PPP2R2B: variants seen among roughly 807,000 people sequenced by gnomAD.
PPP2R2B encodes the protein serine/threonine-protein phosphatase 2A 55 kDa regulatory subunit B beta isoform.
A neutral mutation model predicts 46.0 loss-of-function variants in PPP2R2B; 5 were observed. The ratio of observed to expected loss-of-function variants is 0.11; its 90% confidence interval spans 0.06 to 0.23. The LOEUF (loss-of-function observed/expected upper bound fraction) is 0.23. Ranked by LOEUF, PPP2R2B falls within the 10% of genes least tolerant of loss-of-function variation. The pLI, the probability that PPP2R2B is intolerant of heterozygous loss-of-function variation, is 1.00. For missense variants in PPP2R2B, 367 were observed against 575.0 expected (o/e 0.64, Z 3.70); for synonymous variants, 215 against 206.7 (o/e 1.04, Z -0.34).
intron 1 of PPP2R2B, among the ~76,000 whole-genome samples, chr5:146,991,906 T>C (rs1254353003): frequency 1.3e-5 from 2 of 152,120 alleles, no homozygotes; most frequent in African/African-American, 4.8e-5. Context: ...TCCATATTCA[T>C]GGATTGGAAA....
At chr5:146,857,374 A>G (rs950073434) in intron 2 of PPP2R2B, among the ~76,000 whole-genome samples, 9 of 152,226 alleles carry the variant, frequency 5.9e-5, no homozygotes, top group Admixed American at 1.3e-4. Context: ...TCAACATACC[A>G]CTAATATAGA....
At chr5:147,039,287 T>C (rs966967504) in intron 1 of PPP2R2B, among the ~76,000 whole-genome samples, 1 of 152,192 alleles carries the variant, frequency 6.6e-6, no homozygotes, top group African/African-American at 2.4e-5. Flanking sequence ...GTTACTGATG[T>C]TCCCCATGGC....
chr5:146,687,758 G>T (rs1441801075), intron 5 of PPP2R2B, among the ~76,000 whole-genome samples: 1 of 152,174 alleles, frequency 6.6e-6, no homozygotes, highest in African/African-American at 2.4e-5. Flanking sequence ...GAAAGATATA[G>T]TCACATTCTT....
At chr5:146,685,649 C>T (rs572657056) in intron 5 of PPP2R2B, among the ~76,000 whole-genome samples, 20 of 152,308 alleles carry the variant, frequency 1.3e-4, no homozygotes, top group East Asian at 1.2e-3. Context: ...GTGTCTTAGA[C>T]GGTACCTATG....
At chr5:147,067,304 G>A (rs1757442769) in intron 2 of PPP2R2B, among the ~76,000 whole-genome samples, 1 of 152,006 alleles carries the variant, frequency 6.6e-6, no homozygotes, top group Admixed American at 6.6e-5. Context: ...TGTATCATTT[G>A]TATCCTCAAC....
intron 2 of PPP2R2B, among the ~76,000 whole-genome samples, chr5:146,765,220 A>T (rs1405039394): frequency 6.6e-6 from 1 of 152,238 alleles, no homozygotes; most frequent in Non-Finnish European, 1.5e-5. Flanking sequence ...ACATTATAAG[A>T]TGTAGTTTTC....
intron 1 of PPP2R2B, among the ~76,000 whole-genome samples, chr5:146,995,277 T>G (rs1299630628): frequency 6.6e-6 from 1 of 152,216 alleles, no homozygotes; most frequent in Admixed American, 6.5e-5. Context: ...CCTGCCTTTT[T>G]AAATGTTGTA....
rs888752512 is a variant in PPP2R2B, at chr5:146,583,321, C to T, written c.*6626G>A. On this transcript the variant is annotated 3_prime_UTR_variant, in exon 10 of 10. Coordinates refer to ENST00000394411, the MANE Select transcript of PPP2R2B (RefSeq NM_181675.4). ...GCAGAACTGTAGCAAGAAATGTGCACTGAATGCATATTTGTGGGCCAGGCA... is the reference window on the plus strand; with the variant it reads ...GCAGAACTGTAGCAAGAAATGTGCATTGAATGCATATTTGTGGGCCAGGCA... 2 of 152,172 alleles carry T rather than the reference C, an allele frequency of 1.3e-5. No homozygotes were observed. The highest frequency in any genetic ancestry group is 2.9e-5 in the Non-Finnish European group (2 of 68,038). The allele number at this position is 152,172 out of a possible 1,614,324, so 9.4% of individuals were successfully genotyped here. A position where few individuals can be genotyped will look rare whatever the true frequency, so the allele number is the denominator to read the frequency against.
intron 8 of PPP2R2B, among the ~76,000 whole-genome samples, chr5:146,598,272 C>T (rs1027629499): frequency 1.3e-5 from 2 of 152,214 alleles, no homozygotes; most frequent in African/African-American, 4.8e-5. Context: ...CAGTTGATGA[C>T]TTATTTTTCC....
rs758998144 is a variant in PPP2R2B at position 146,691,211 on chromosome 5, C to T, written c.364G>A (p.Glu122Lys). 1.8e-5 allele frequency: 29 copies of T among 1,613,970 alleles called. No individual in the cohort carries two copies. Among genetic ancestry groups the T allele is most frequent in the African/African-American group, 8.0e-5 (6 of 74,920 alleles). Residue 122 changes from glutamate (E) to lysine (K), a missense_variant, in exon 5 of 10, where the codon GAG (glutamate) becomes AAG (lysine). Glu to Lys is a moderately conservative substitution (Grantham distance 56). Around this residue, in one of 2 missense-constraint regions of PPP2R2B, gnomAD observed 361 missense variants for 545.5 expected, o/e 0.66. Coordinates refer to ENST00000394411, the MANE Select transcript of PPP2R2B (RefSeq NM_181675.4). ...DKTVKLWKVS[E>K]RDKRPEGYNL... Reference sequence around the variant, plus strand: ...TAGCCTTCTGGCCTCTTATCACGCTCGCTGACTTTCCACAGCTTCACAGTT... The same window carrying T: ...TAGCCTTCTGGCCTCTTATCACGCTTGCTGACTTTCCACAGCTTCACAGTT...
intron 6 of PPP2R2B, among the ~76,000 whole-genome samples, chr5:146,647,224 T>A (rs926202834): frequency 4.6e-4 from 4 of 8,622 alleles, no homozygotes; most frequent in Non-Finnish European, 1.8e-3. Flanking sequence ...CGTTCACTAT[T>A]GCTTAGAAGC....
chr5:146,678,273 CA>C (rs1226979909), intron 5 of PPP2R2B, among the ~76,000 whole-genome samples: 1 of 151,622 alleles, frequency 6.6e-6, no homozygotes, highest in Non-Finnish European at 1.5e-5. Flanking sequence ...AGCATATAAA[CA>C]GAGCCAAAGA....
At chr5:146,621,109 G>A (rs904363079) in intron 7 of PPP2R2B, among the ~76,000 whole-genome samples, 1 of 152,252 alleles carries the variant, frequency 6.6e-6, no homozygotes, top group Non-Finnish European at 1.5e-5. Flanking sequence ...AGCACTGCCT[G>A]GAGGGACCCT....
chr5:146,765,193 C>A (rs895354793), intron 2 of PPP2R2B, among the ~76,000 whole-genome samples: 1 of 152,130 alleles, frequency 6.6e-6, no homozygotes, highest in African/African-American at 2.4e-5. Flanking sequence ...TAAATAATAA[C>A]TATATTTCAC....
intron 2 of PPP2R2B, among the ~76,000 whole-genome samples, chr5:146,745,074 G>A (rs1461882187): frequency 6.6e-6 from 1 of 151,934 alleles, no homozygotes; most frequent in East Asian, 1.9e-4. Context: ...TGGGCACTGT[G>A]GCAATAGAAG....
intron 1 of PPP2R2B, among the ~76,000 whole-genome samples, chr5:146,957,643 A>G (rs1316034189): frequency 6.6e-6 from 1 of 152,154 alleles, no homozygotes. Context: ...CACCTGACAC[A>G]AATAGTTATG....
At chr5:146,756,931 T>A (rs1181308668) in intron 2 of PPP2R2B, among the ~76,000 whole-genome samples, 1 of 152,136 alleles carries the variant, frequency 6.6e-6, no homozygotes, top group Non-Finnish European at 1.5e-5. Context: ...CTTGCAACAC[T>A]TACATTCTGG....
intron 2 of PPP2R2B, among the ~76,000 whole-genome samples, chr5:146,812,370 T>G (rs997966648): frequency 2.0e-5 from 3 of 147,402 alleles, no homozygotes; most frequent in Admixed American, 6.8e-5. Flanking sequence ...AGTACTTATC[T>G]GTTTGTTTAT....
intron 1 of PPP2R2B, among the ~76,000 whole-genome samples, chr5:146,885,454 G>A (rs1480956262): frequency 6.6e-6 from 1 of 152,204 alleles, no homozygotes; most frequent in Non-Finnish European, 1.5e-5. Context: ...TATTCTCTCA[G>A]TTGAAAATCA....
Sources: gnomAD v4.1 joint callset for allele counts (sites outside exome capture counted in the v4.1 genomes callset) on GRCh38, gnomAD v4.1.1 for gene constraint, gnomAD v4.1.1 regional missense constraint, MANE v1.5 for transcripts, NCBI Gene and HGNC (gene_info 2026-07-23, HGNC 2026-07-21) for gene names.